ARHGAP44: variants seen among roughly 807,000 people sequenced by gnomAD.
ARHGAP44 encodes the protein rho GTPase-activating protein 44.
In ARHGAP44, 43 loss-of-function variants were observed where a neutral mutation model predicts 106.8. The ratio of observed to expected loss-of-function variants is 0.40; its 90% CI spans 0.32 to 0.52. ARHGAP44 has a LOEUF of 0.52. Among genes scored for constraint, ARHGAP44 ranks in the 20% least tolerant of loss-of-function variants. The probability of loss-of-function intolerance (pLI) is 0.48; values close to 1 mark genes in which losing one functional copy is unlikely to be tolerated. For missense variants in ARHGAP44, 866 were observed against 1,050.5 expected (o/e 0.82, Z 2.43); for synonymous variants, 439 against 410.3 (o/e 1.07, Z -0.85).
chr17:12,803,197 C>G (rs917635831), intron 1 of ARHGAP44, among the ~76,000 whole-genome samples: 5 of 151,444 alleles, frequency 3.3e-5, no homozygotes, highest in Non-Finnish European at 4.4e-5. Flanking sequence ...GTCTCGAACT[C>G]CTGACCTCAG....
chr17:12,957,364 A>G (rs2039156267), intron 15 of ARHGAP44, among the ~76,000 whole-genome samples: 1 of 152,178 alleles, frequency 6.6e-6, no homozygotes, highest in Admixed American at 6.5e-5. Flanking sequence ...GTTTCTTCAA[A>G]TCTGCAAATC....
chr17:12,906,941 AAAAAC>A (rs113016244), intron 3 of ARHGAP44, among the ~76,000 whole-genome samples: 2 of 151,394 alleles, frequency 1.3e-5, no homozygotes, highest in African/African-American at 4.9e-5. Context: ...CCTTGTATCA[AAAAAC>A]AAAACAAAAC....
chr17:12,900,358 G>A (rs778406578), intron 3 of ARHGAP44, among the ~76,000 whole-genome samples: 1 of 151,970 alleles, frequency 6.6e-6, no homozygotes, highest in East Asian at 1.9e-4. Flanking sequence ...TTGAACTCCT[G>A]ACCCATGATC....
intron 18 of ARHGAP44, among the ~76,000 whole-genome samples, chr17:12,976,693 A>G (rs116663126): frequency 0.077 from 11,689 of 151,764 alleles, 512 homozygotes; most frequent in African/African-American, 0.095. Context: ...GTCTTAGAGC[A>G]TAGGAGGGGG....
intron 1 of ARHGAP44, among the ~76,000 whole-genome samples, chr17:12,848,858 C>T (rs891981398): frequency 1.3e-5 from 2 of 152,036 alleles, no homozygotes; most frequent in South Asian, 2.1e-4. Flanking sequence ...ACCAGCCTGA[C>T]CAACATGGAG....
At position 12,884,070 on chromosome 17, in the gene ARHGAP44, A is replaced by G. The variant is rs61073302; in HGVS notation, c.54-10870A>G. Reference sequence around the variant, plus strand: ...TTTCATAATGTTTTTTTTCTCCCTCAAAGTCTATTAGATTAGTTTGAAATA... The same window carrying G: ...TTTCATAATGTTTTTTTTCTCCCTCGAAGTCTATTAGATTAGTTTGAAATA... On this transcript the variant is annotated intron_variant, in intron 1 of 20. Transcript: ENST00000379672. Among the ~76,000 whole-genome samples the G allele has an allele frequency of 3.5e-3, 529 of 152,162 alleles. 4 individuals are homozygous for G. The highest frequency in any genetic ancestry group is 0.011 in the African/African-American group (440 of 41,556).
At chr17:12,865,035 GAAT>G (rs1318108319) in intron 1 of ARHGAP44, among the ~76,000 whole-genome samples, 7 of 151,938 alleles carry the variant, frequency 4.6e-5, no homozygotes, top group African/African-American at 1.7e-4. Context: ...GAGAGAAGAA[GAAT>G]AATAGTTAAA....
intron 1 of ARHGAP44, among the ~76,000 whole-genome samples, chr17:12,794,834 G>A (rs1392704771): frequency 6.6e-6 from 1 of 152,132 alleles, no homozygotes; most frequent in African/African-American, 2.4e-5. Flanking sequence ...GGAACTGGAG[G>A]CTGAGGCTGC....
At chr17:12,829,461 C>G (rs1327294051) in intron 1 of ARHGAP44, among the ~76,000 whole-genome samples, 1 of 152,152 alleles carries the variant, frequency 6.6e-6, no homozygotes, top group Non-Finnish European at 1.5e-5. Flanking sequence ...ATGAGCAACA[C>G]TGCATAAATA....
intron 17 of ARHGAP44, 25 bp from the exon 18 acceptor site, chr17:12,974,064 G>C (rs548609148): frequency 5.2e-6 from 8 of 1,550,834 alleles, no homozygotes; most frequent in South Asian, 1.2e-5. Context: ...GCGTGGGTAA[G>C]CGGTGTCTTT....
intron 16 of ARHGAP44, among the ~76,000 whole-genome samples, chr17:12,972,673 T>C (rs2039557607): frequency 6.6e-6 from 1 of 151,430 alleles, no homozygotes; most frequent in Admixed American, 6.6e-5. Flanking sequence ...ATATTTTTTT[T>C]TTTTTTGAGA....
At chr17:12,818,387 A>G (rs2150791621) in intron 1 of ARHGAP44, among the ~76,000 whole-genome samples, 1 of 151,474 alleles carries the variant, frequency 6.6e-6, no homozygotes, top group African/African-American at 2.4e-5. Flanking sequence ...TTAATGGTAG[A>G]AGAGTGAACG....
rs569954997 is a variant in ARHGAP44, at chr17:12,858,871, C to T, written c.54-36069C>T. 5.9e-5 allele frequency among the ~76,000 whole-genome samples: 9 copies of T among 152,288 alleles called. No homozygotes were observed. The East Asian group carries it at 1.5e-3, about 26-fold the overall frequency. ...CACAGTCATGGTGGAAGGTGAAAGG[C>T]ACGTCTTACATGGTGGCAGGCAAGA... On this transcript the variant is annotated intron_variant, in intron 1 of 20. Coordinates refer to ENST00000379672, the MANE Select transcript of ARHGAP44 (RefSeq NM_014859.6).
intron 1 of ARHGAP44, among the ~76,000 whole-genome samples, chr17:12,816,743 A>C: frequency 6.6e-6 from 1 of 152,186 alleles, no homozygotes. Flanking sequence ...CTGAGAATAG[A>C]GGCTCAAAAT....
chr17:12,957,820 C>T (rs1054516411), intron 15 of ARHGAP44, among the ~76,000 whole-genome samples: 5 of 152,150 alleles, frequency 3.3e-5, no homozygotes, highest in African/African-American at 1.2e-4. Flanking sequence ...ATGCTTTTTG[C>T]TGTGCTGCAA....
chr17:12,964,489 AGAAGC>A (rs1567712689), intron 16 of ARHGAP44, among the ~76,000 whole-genome samples: 1 of 152,158 alleles, frequency 6.6e-6, no homozygotes, highest in East Asian at 1.9e-4. Context: ...AGGCAAGAAT[AGAAGC>A]GACAGGCTGG....
At chr17:12,922,906 A>C (rs183872384) in intron 6 of ARHGAP44, among the ~76,000 whole-genome samples, 2 of 152,312 alleles carry the variant, frequency 1.3e-5, no homozygotes, top group Admixed American at 6.5e-5. Context: ...GCAAACGTAC[A>C]TGCCACTTGG....
At position 12,854,313 on chromosome 17, in the gene ARHGAP44, G is replaced by T. The variant is rs546964720; in HGVS notation, c.54-40627G>T. ...TACTGAGAGTGGCCTGATCTGTTGT[G>T]GTCTTTTTTTCCCCAAAGCGTACCA... On this transcript the variant is annotated intron_variant, in intron 1 of 20. Transcript: ENST00000379672. Among the ~76,000 whole-genome samples the T allele has an allele frequency of 3.3e-5, 5 of 152,184 alleles. No individual in the cohort carries two copies. In the East Asian group the frequency reaches 9.7e-4, roughly 29 times the overall value.
intron 1 of ARHGAP44, among the ~76,000 whole-genome samples, chr17:12,847,339 A>G (rs2035597168): frequency 6.6e-6 from 1 of 151,998 alleles, no homozygotes. Flanking sequence ...ATATAGCTGA[A>G]CTCATGAGGT....
Sources: gnomAD v4.1 joint callset for allele counts (sites outside exome capture counted in the v4.1 genomes callset) on GRCh38, gnomAD v4.1.1 for gene constraint, MANE v1.5 for transcripts, NCBI Gene and HGNC (gene_info 2026-07-23, HGNC 2026-07-21) for gene names.